ETNK1: variants seen among roughly 807,000 people sequenced by gnomAD.
The protein encoded by ETNK1 is ethanolamine kinase 1.
A neutral mutation model predicts 45.1 loss-of-function variants in ETNK1; 8 were observed. The observed-to-expected ratio is 0.18, with a 90% CI of 0.10 to 0.32. The LOEUF is 0.32. ETNK1 is among the 10% of genes least tolerant of loss of function. The probability of loss-of-function intolerance (pLI) is 1.00; values close to 1 mark genes in which losing one functional copy is unlikely to be tolerated. For missense variants in ETNK1, 302 were observed against 430.6 expected (o/e 0.70, Z 2.64); for synonymous variants, 152 against 151.9 (o/e 1.00, Z -0.01).
At chr12:22,644,518 T>A in intron 2 of ETNK1, 1 of 448,092 alleles carries the variant, frequency 2.2e-6, no homozygotes, top group Non-Finnish European at 3.3e-6. Flanking sequence ...TTGCCAGCTT[T>A]AAAAATTCTC....
At chr12:22,663,943 T>C (rs558412760) in intron 4 of ETNK1, among the ~76,000 whole-genome samples, 110 of 152,082 alleles carry the variant, frequency 7.2e-4, no homozygotes, top group African/African-American at 2.6e-3. Flanking sequence ...GTAATTTCTA[T>C]GTGATTACTT....
intron 6 of ETNK1, among the ~76,000 whole-genome samples, chr12:22,675,404 G>A (rs560512708): frequency 3.9e-5 from 6 of 152,190 alleles, no homozygotes; most frequent in Non-Finnish European, 8.8e-5. Context: ...CACGCAGGCT[G>A]GAATGCAGTG....
chr12:22,627,947 CTT>C (rs994092006), intron 1 of ETNK1, among the ~76,000 whole-genome samples: 8 of 152,110 alleles, frequency 5.3e-5, no homozygotes, highest in African/African-American at 1.9e-4. Context: ...AAGGCCCAGT[CTT>C]TGCTCAGAAT....
At chr12:22,633,549 A>G (rs375474700) in intron 1 of ETNK1, among the ~76,000 whole-genome samples, 1 of 152,220 alleles carries the variant, frequency 6.6e-6, no homozygotes. Context: ...AAGTTGCCAT[A>G]TAAGTTGTAG....
At chr12:22,638,034 GATAAAA>G (rs772843983) in intron 1 of ETNK1, among the ~76,000 whole-genome samples, 3 of 150,708 alleles carry the variant, frequency 2.0e-5, no homozygotes, top group African/African-American at 7.4e-5. Flanking sequence ...ATTGTTGATT[GATAAAA>G]ATAAAAATTA....
At chr12:22,665,354 C>A (rs775395408) in intron 4 of ETNK1, among the ~76,000 whole-genome samples, 2 of 152,114 alleles carry the variant, frequency 1.3e-5, no homozygotes, top group South Asian at 2.1e-4. Context: ...GATTCTGAGG[C>A]AGTTTTTGTA....
At chr12:22,631,152 C>A (rs929887367) in intron 1 of ETNK1, among the ~76,000 whole-genome samples, 6 of 151,076 alleles carry the variant, frequency 4.0e-5, no homozygotes, top group Non-Finnish European at 8.8e-5. Context: ...TCAGACAGAG[C>A]CTTGCAAGTA....
intron 1 of ETNK1, among the ~76,000 whole-genome samples, chr12:22,626,677 A>C (rs916254612): frequency 1.3e-5 from 2 of 152,202 alleles, no homozygotes; most frequent in Non-Finnish European, 2.9e-5. Context: ...TTCATGTGTT[A>C]GTTTCAGTTC....
At chr12:22,655,328 GTTTTTTTT>G (rs10586779) in intron 2 of ETNK1, among the ~76,000 whole-genome samples, 1 of 122,786 alleles carries the variant, frequency 8.1e-6, no homozygotes, top group African/African-American at 3.0e-5. Flanking sequence ...GGGTTTGTTT[GTTTTTTTT>G]TTTTTTTTTT....
intron 6 of ETNK1, among the ~76,000 whole-genome samples, chr12:22,683,540 G>A (rs149790935): frequency 7.9e-5 from 12 of 152,114 alleles, no homozygotes; most frequent in East Asian, 5.8e-4. Flanking sequence ...TTCCCATCTC[G>A]TAAATGATAG....
At chr12:22,684,386 G>A in intron 6 of ETNK1, 97 bp from the exon 7 acceptor site, 1 of 788,374 alleles carries the variant, frequency 1.3e-6, no homozygotes, top group Non-Finnish European at 2.1e-6. Context: ...AAAGTGTGGT[G>A]CATGGAGTTG....
At chr12:22,678,527 T>TA (rs1954182468) in intron 6 of ETNK1, among the ~76,000 whole-genome samples, 2 of 152,244 alleles carry the variant, frequency 1.3e-5, no homozygotes, top group African/African-American at 4.8e-5. Flanking sequence ...CATACAAAGA[T>TA]AGTTTTTTCC....
Position 22,687,837 on chromosome 12 carries a change from A to G in ETNK1, c.*2883A>G, listed in dbSNP as rs1954272883. The G allele has an allele frequency of 6.6e-6, 1 of 152,342 alleles. No homozygotes were observed. Among genetic ancestry groups the G allele is most frequent in the East Asian group, 1.9e-4 (1 of 5,200 alleles). 9.4% of individuals were successfully genotyped at this position (152,342 alleles called of 1,614,324 possible). A position where few individuals can be genotyped will look rare whatever the true frequency, so the allele number is the denominator to read the frequency against. On this transcript the variant is annotated 3_prime_UTR_variant, in exon 8 of 8. Coordinates refer to ENST00000266517, the MANE Select transcript of ETNK1 (RefSeq NM_018638.5). ...GTAGAAATTTTTCTGTAAGGAAATG[A>G]TTCAGCTTGTTGGTTTTAGAGTAAA...
At chr12:22,634,892 A>G (rs957766214) in intron 1 of ETNK1, among the ~76,000 whole-genome samples, 5 of 152,100 alleles carry the variant, frequency 3.3e-5, no homozygotes, top group Middle Eastern at 6.8e-3. Context: ...TTTCTATTTT[A>G]TTGATAGTTT....
chr12:22,682,223 T>C (rs920108475), intron 6 of ETNK1: 3 of 433,162 alleles, frequency 6.9e-6, no homozygotes, highest in East Asian at 6.0e-5. Flanking sequence ...TAGTACTATA[T>C]TGAGAAGCTG....
intron 4 of ETNK1, among the ~76,000 whole-genome samples, chr12:22,670,216 C>G (rs1237490399): frequency 6.6e-6 from 1 of 152,050 alleles, no homozygotes; most frequent in Non-Finnish European, 1.5e-5. Flanking sequence ...GTTCTCCTAC[C>G]TAAGCCTGAT....
chr12:22,627,109 T>C (rs527435170), intron 1 of ETNK1, among the ~76,000 whole-genome samples: 22 of 152,270 alleles, frequency 1.4e-4, no homozygotes, highest in African/African-American at 4.8e-4. Flanking sequence ...TGTATTTGTC[T>C]GTAGAATAGT....
At chr12:22,631,020 T>C (rs1393161638) in intron 1 of ETNK1, among the ~76,000 whole-genome samples, 3 of 152,134 alleles carry the variant, frequency 2.0e-5, no homozygotes, top group Non-Finnish European at 4.4e-5. Context: ...TAATGATCAC[T>C]CAGGACATTG....
intron 2 of ETNK1, among the ~76,000 whole-genome samples, chr12:22,647,904 C>T (rs778225995): frequency 9.2e-5 from 14 of 151,752 alleles, no homozygotes; most frequent in South Asian, 4.1e-4. Flanking sequence ...AGTAAAACCT[C>T]GCTTACTGAG....
Sources: allele counts gnomAD v4.1 joint callset (sites outside exome capture counted in the v4.1 genomes callset), GRCh38; gene constraint gnomAD v4.1.1; transcripts MANE v1.5; gene names NCBI Gene and HGNC (gene_info 2026-07-23, HGNC 2026-07-21).